Variants in RYR2 observed in about 807,000 individuals in gnomAD.
The protein encoded by RYR2 is ryanodine receptor 2.
RYR2 carries 227 observed loss-of-function variants against 601.1 expected under a neutral mutation model. That is an observed-to-expected ratio of 0.38 (90% CI 0.34 to 0.42). RYR2 has a LOEUF of 0.42. RYR2 is among the 10% of genes least tolerant of loss of function. The pLI is 1.00. For missense variants in RYR2, 4,646 were observed against 6,156.5 expected (o/e 0.75, Z 8.21); for synonymous variants, 2,223 against 2,175.1 (o/e 1.02, Z -0.61).
At chr1:237,302,186 A>T (rs1352086612) in intron 2 of RYR2, among the ~76,000 whole-genome samples, 2 of 152,186 alleles carry the variant, frequency 1.3e-5, no homozygotes, top group East Asian at 3.8e-4. Flanking sequence ...ACTTCCACTC[A>T]AAAGCTTTTC....
chr1:237,067,107 C>T (rs1449921692), intron 1 of RYR2, among the ~76,000 whole-genome samples: 4 of 152,016 alleles, frequency 2.6e-5, no homozygotes, highest in African/African-American at 4.8e-5. Context: ...ATCATTTTCT[C>T]CCTCTCAACA....
chr1:237,540,822 C>T (rs1200032694), intron 25 of RYR2, among the ~76,000 whole-genome samples: 3 of 151,366 alleles, frequency 2.0e-5, no homozygotes, highest in Non-Finnish European at 1.5e-5. Flanking sequence ...TGTGAAGCTA[C>T]TACATGTGAC....
intron 27 of RYR2, among the ~76,000 whole-genome samples, chr1:237,560,497 A>T (rs1020360841): frequency 1.3e-5 from 2 of 152,238 alleles, no homozygotes; most frequent in African/African-American, 4.8e-5. Flanking sequence ...ACAAGGGCTT[A>T]TGGGTGGCTG....
chr1:237,416,872 C>G (rs918123843), intron 10 of RYR2, among the ~76,000 whole-genome samples, 177 bp from the exon 11 acceptor site: 1 of 151,994 alleles, frequency 6.6e-6, no homozygotes, highest in African/African-American at 2.4e-5. Flanking sequence ...ATCACTGTTA[C>G]TGTTATTTTG....
At chr1:237,505,320 T>C (rs1422206041) in intron 22 of RYR2, among the ~76,000 whole-genome samples, 3 of 152,234 alleles carry the variant, frequency 2.0e-5, no homozygotes, top group Non-Finnish European at 4.4e-5. Context: ...GATGGTGAAG[T>C]AGCTTCAGTG....
At chr1:237,648,940 A>G (rs538940676) in intron 49 of RYR2, among the ~76,000 whole-genome samples, 28 of 152,374 alleles carry the variant, frequency 1.8e-4, no homozygotes, top group African/African-American at 6.5e-4. Flanking sequence ...ACCTCTGTTC[A>G]GTATCAACTT....
rs563678599 is a variant in RYR2 at position 237,717,015 on chromosome 1, A to T, written c.10324-183A>T. ...AATGACCTAGGAATCTGAGGGTAGG[A>T]CTTGAAATCAGCAAAAGATACTAAG... On this transcript the variant is annotated intron_variant, in intron 71 of 104. Transcript: ENST00000366574. Among the ~76,000 whole-genome samples the T allele has an allele frequency of 1.6e-4, 24 of 152,266 alleles. No homozygotes were observed. The South Asian group carries it at 4.8e-3, about 30-fold the overall frequency.
chr1:237,293,311 A>T (rs978450206), intron 2 of RYR2, among the ~76,000 whole-genome samples: 1 of 152,144 alleles, frequency 6.6e-6, no homozygotes, highest in Admixed American at 6.5e-5. Context: ...AGTTCAAGCG[A>T]TTCTCATGTC....
intron 1 of RYR2, among the ~76,000 whole-genome samples, chr1:237,265,852 G>T (rs865971450): frequency 6.6e-6 from 1 of 152,136 alleles, no homozygotes. Context: ...AAGTGTTGAT[G>T]GAGTAGAATC....
chr1:237,066,843 G>A (rs994476479), intron 1 of RYR2, among the ~76,000 whole-genome samples: 2 of 151,888 alleles, frequency 1.3e-5, no homozygotes, highest in Non-Finnish European at 2.9e-5. Flanking sequence ...GGGTTTCACC[G>A]TGTTAGGATG....
chr1:237,493,515 C>T (rs543910089), intron 19 of RYR2, among the ~76,000 whole-genome samples: 9 of 152,202 alleles, frequency 5.9e-5, no homozygotes, highest in East Asian at 3.9e-4. Context: ...TGCAGTGGCA[C>T]GATCTCGGCT....
intron 1 of RYR2, among the ~76,000 whole-genome samples, chr1:237,250,841 C>T (rs1000153115): frequency 8.5e-5 from 13 of 152,164 alleles, no homozygotes; most frequent in African/African-American, 2.7e-4. Context: ...TATCTTCTTA[C>T]CGTCCCTCAA....
At chr1:237,122,688 A>G (rs1670937489) in intron 1 of RYR2, among the ~76,000 whole-genome samples, 1 of 131,826 alleles carries the variant, frequency 7.6e-6, no homozygotes, top group Non-Finnish European at 1.7e-5. Context: ...TCAAAAACAA[A>G]CAAACAAACA....
At chr1:237,755,235 C>A in intron 80 of RYR2, 1 of 445,200 alleles carries the variant, frequency 2.2e-6, no homozygotes, top group Non-Finnish European at 3.6e-6. Context: ...TATTCTGTAA[C>A]TAGCAAGCCT....
intron 79 of RYR2, among the ~76,000 whole-genome samples, chr1:237,741,920 A>G (rs1441792279): frequency 1.3e-5 from 2 of 152,126 alleles, no homozygotes; most frequent in Non-Finnish European, 2.9e-5. Context: ...ACTAATGGTC[A>G]TTATATTTGC....
chr1:237,374,693 A>G (rs1437024347), intron 6 of RYR2, 24 bp from the exon 7 acceptor site: 2 of 1,587,636 alleles, frequency 1.3e-6, no homozygotes, highest in Non-Finnish European at 1.7e-6. Context: ...CTCTACTTAC[A>G]ACTACTGATT....
Position 237,666,508 on chromosome 1 carries a change from C to A in RYR2, c.8437-4C>A. The A allele has an allele frequency of 2.5e-6, 4 of 1,610,124 alleles. No individual in the cohort carries two copies. Among genetic ancestry groups the A allele is most frequent in the Middle Eastern group, 1.7e-4 (1 of 6,056 alleles). On this transcript the variant is annotated splice_polypyrimidine_tract_variant and splice_region_variant and intron_variant, in intron 56 of 104. Transcript: ENST00000366574. ...GGCACTGTTTTTTCACACAAATGAT[C>A]TAGGTTTCTGTGGACGCTGCCCATG... is the stretch of plus-strand genomic sequence containing the variant.
chr1:237,712,541 ACACT>A (rs1688934198), intron 71 of RYR2, among the ~76,000 whole-genome samples: 1 of 152,080 alleles, frequency 6.6e-6, no homozygotes, highest in Non-Finnish European at 1.5e-5. Context: ...TCACACACAC[ACACT>A]CACACACACA....
At chr1:237,788,313 A>G (rs1001812971) in intron 92 of RYR2, among the ~76,000 whole-genome samples, 178 bp downstream of exon 92, 1 of 152,124 alleles carries the variant, frequency 6.6e-6, no homozygotes, top group African/African-American at 2.4e-5. Flanking sequence ...TCTCTGGCCC[A>G]CCGCTCCCTA....
Sources: allele counts gnomAD v4.1 joint callset (sites outside exome capture counted in the v4.1 genomes callset), GRCh38; gene constraint gnomAD v4.1.1; transcripts MANE v1.5; gene names NCBI Gene and HGNC (gene_info 2026-07-23, HGNC 2026-07-21).